Variants in FAIM2 observed in about 807,000 individuals in gnomAD.
The protein encoded by FAIM2 is Fas apoptotic inhibitory molecule 2.
A neutral mutation model predicts 47.4 loss-of-function variants in FAIM2; 27 were observed. The ratio of observed to expected loss-of-function variants is 0.57; its 90% CI spans 0.42 to 0.78. The LOEUF is 0.78. FAIM2 is among the 30% of genes least tolerant of loss of function. The pLI, the probability that FAIM2 is intolerant of heterozygous loss-of-function variation, is 0.00. For synonymous variants in FAIM2, 156 were observed against 159.3 expected, an observed-to-expected ratio of 0.98 and a Z score of 0.16; for missense variants, 311 against 389.4, an observed-to-expected ratio of 0.80 and a Z score of 1.69.
chr12:49,879,829 T>C (rs891621047), intron 11 of FAIM2, among the ~76,000 whole-genome samples: 3 of 151,720 alleles, frequency 2.0e-5, no homozygotes, highest in Admixed American at 2.0e-4. Flanking sequence ...TGTGTATATG[T>C]GCGTGCATGT....
At chr12:49,903,746 G>A (rs1219244837) in intron 1 of FAIM2, 32 bp downstream of exon 1, 1 of 1,551,108 alleles carries the variant, frequency 6.4e-7, no homozygotes, top group Admixed American at 2.0e-5. Context: ...CCGGAGGATG[G>A]AGGATGGTGC....
In FAIM2 at chr12:49,889,526, C is replaced by G; in HGVS notation, c.606G>C (p.Thr202=). Residue 202 remains threonine (T), a synonymous_variant, in exon 9 of 12, where the codon ACG becomes ACC. Coordinates refer to ENST00000320634, the MANE Select transcript of FAIM2 (RefSeq NM_012306.4). ...CGGTGACTGAGAGGCAGACAAGGGC[C>G]GTGATGCCCAGGCACAGCAGCACGG... is the stretch of plus-strand genomic sequence containing the variant. ...TTSVLLCLGI[T]ALVCLSVTVF... 2 of 1,614,098 alleles carry G rather than the reference C, an allele frequency of 1.2e-6. No homozygotes were observed. Among genetic ancestry groups the G allele is most frequent in the South Asian group, 1.1e-5 (1 of 91,068 alleles).
At chr12:49,900,999 G>A in intron 2 of FAIM2, 131 bp downstream of exon 2, 1 of 647,454 alleles carries the variant, frequency 1.5e-6, no homozygotes, top group South Asian at 2.6e-5. Context: ...CAAATCCTAA[G>A]CATCTAACAA....
At chr12:49,894,045 T>C (rs141455315) in intron 5 of FAIM2, among the ~76,000 whole-genome samples, 369 of 152,292 alleles carry the variant, frequency 2.4e-3, no homozygotes, top group African/African-American at 8.0e-3. Flanking sequence ...CCTGAGATTG[T>C]GGTACAGCTT....
chr12:49,872,596 C>T (rs1377957431), intron 11 of FAIM2, among the ~76,000 whole-genome samples: 1 of 152,188 alleles, frequency 6.6e-6, no homozygotes, highest in African/African-American at 2.4e-5. Context: ...TGCAATGCTC[C>T]CCCCGGCAGG....
chr12:49,900,178 C>G (rs1368366126), intron 2 of FAIM2: 2 of 1,286,624 alleles, frequency 1.6e-6, no homozygotes, highest in African/African-American at 3.0e-5. Context: ...TCCAGTAGGT[C>G]ACGGTGGGGT....
intron 5 of FAIM2, among the ~76,000 whole-genome samples, chr12:49,892,997 T>C (rs1946910880): frequency 1.3e-5 from 2 of 152,298 alleles, no homozygotes; most frequent in East Asian, 1.9e-4. Flanking sequence ...CCTGGACTTG[T>C]TGATCTTCCT....
chr12:49,897,055 T>C lies in FAIM2; in HGVS notation c.410A>G (p.Asn137Ser), dbSNP rs373449500. The change falls in exon 5 of 12, where the codon AAC becomes AGC. Residue 137 changes from asparagine to serine, a missense_variant. By Grantham distance (46) the Asn-to-Ser change is conservative. Transcript: ENST00000320634. ...CDPVKDYVQA[N>S]PGWYWASYAV... is the part of the protein sequence containing the mutation. ...CTAGGATGCCCAGTACCAGCCTGGGTTGGCCTGGACATAGTCCTTGACAGG... is the reference window on the plus strand; with the variant it reads ...CTAGGATGCCCAGTACCAGCCTGGGCTGGCCTGGACATAGTCCTTGACAGG... 8 of 1,613,696 alleles carry C rather than the reference T, an allele frequency of 5.0e-6. No homozygotes were observed. Among genetic ancestry groups the C allele is most frequent in the Non-Finnish European group, 6.8e-6 (8 of 1,179,730 alleles).
intron 2 of FAIM2, among the ~76,000 whole-genome samples, chr12:49,898,363 A>G (rs1946955750): frequency 6.6e-6 from 1 of 152,182 alleles, no homozygotes; most frequent in African/African-American, 2.4e-5. Context: ...CTCCCTGGGG[A>G]CCAAGCTCTG....
At chr12:49,889,991 C>T in intron 8 of FAIM2, 126 bp downstream of exon 8, 1 of 911,906 alleles carries the variant, frequency 1.1e-6, no homozygotes, top group Non-Finnish European at 1.8e-6. Context: ...AAGCCTCCTG[C>T]ATGCCTGAGC....
At chr12:49,877,966 GTA>G (rs1946750449) in intron 11 of FAIM2, among the ~76,000 whole-genome samples, 2 of 151,694 alleles carry the variant, frequency 1.3e-5, no homozygotes, top group South Asian at 4.1e-4. Context: ...GTGTGTATGT[GTA>G]TGTGTGCATG....
intron 1 of FAIM2, 127 bp from the exon 2 acceptor site, chr12:49,901,452 G>T: frequency 1.5e-6 from 1 of 674,024 alleles, no homozygotes; most frequent in Non-Finnish European, 2.3e-6. Flanking sequence ...TGGAAGCCAG[G>T]AATGCAGACA....
chr12:49,879,725 AGTGT>A (rs935872224), intron 11 of FAIM2, among the ~76,000 whole-genome samples: 2 of 115,178 alleles, frequency 1.7e-5, no homozygotes, highest in South Asian at 2.8e-4. Flanking sequence ...TATATGTGCA[AGTGT>A]GTGTCTGAGT....
intron 5 of FAIM2, among the ~76,000 whole-genome samples, chr12:49,896,063 C>T (rs1017326096): frequency 6.6e-6 from 1 of 152,194 alleles, no homozygotes; most frequent in Non-Finnish European, 1.5e-5. Flanking sequence ...CTTTGGGGGG[C>T]GCCCCTGATG....
At chr12:49,879,278 GTGTGTA>G (rs146875448) in intron 11 of FAIM2, among the ~76,000 whole-genome samples, 46,180 of 104,172 alleles carry the variant, frequency 0.44, 13,881 homozygotes, top group South Asian at 0.51. Flanking sequence ...ATGTGTATAT[GTGTGTA>G]TGTGTGTGGG....
At chr12:49,886,553 G>T (rs556320765) in intron 11 of FAIM2, among the ~76,000 whole-genome samples, 2 of 152,212 alleles carry the variant, frequency 1.3e-5, no homozygotes, top group African/African-American at 4.8e-5. Context: ...TCGGCTCACT[G>T]CAAGCTCTGC....
At chr12:49,886,950 C>T (rs1946866153) in intron 11 of FAIM2, among the ~76,000 whole-genome samples, 1 of 152,162 alleles carries the variant, frequency 6.6e-6, no homozygotes, top group African/African-American at 2.4e-5. Flanking sequence ...CAGCAAAGAA[C>T]ATGCTCAATC....
chr12:49,897,481 T>A, intron 4 of FAIM2, 38 bp downstream of exon 4: 1 of 1,588,948 alleles, frequency 6.3e-7, no homozygotes, highest in Non-Finnish European at 8.6e-7. Context: ...CTGGCCATAG[T>A]CATCCCTGGA....
At chr12:49,879,966 G>GTGTGTA (rs139139082) in intron 11 of FAIM2, among the ~76,000 whole-genome samples, 112,408 of 148,994 alleles carry the variant, frequency 0.75, 42,616 homozygotes, top group African/African-American at 0.85. Context: ...GTATGTGCAT[G>GTGTGTA]TGTGTGTATA....
Sources: allele counts gnomAD v4.1 joint callset (sites outside exome capture counted in the v4.1 genomes callset), GRCh38; gene constraint gnomAD v4.1.1; transcripts MANE v1.5; gene names NCBI Gene and HGNC (gene_info 2026-07-23, HGNC 2026-07-21).